Variants in PCNX2 observed in about 807,000 individuals in gnomAD.
The protein encoded by PCNX2 is pecanex 2.
A neutral mutation model predicts 223.8 loss-of-function variants in PCNX2; 168 were observed. That is an observed-to-expected ratio of 0.75 (90% CI 0.66 to 0.85). The LOEUF is 0.85. Among genes scored for constraint, PCNX2 ranks in the 40% least tolerant of loss-of-function variants. The pLI is 0.00. For missense variants in PCNX2, 2,507 were observed against 2,675.5 expected (o/e 0.94, Z 1.39); for synonymous variants, 1,006 against 1,052.6 (o/e 0.96, Z 0.86).
chr1:233,181,728 T>C (rs1320010718), intron 15 of PCNX2, among the ~76,000 whole-genome samples: 1 of 152,188 alleles, frequency 6.6e-6, no homozygotes, highest in Non-Finnish European at 1.5e-5. Flanking sequence ...TCCTGACTCC[T>C]AGATGATGCC....
intron 15 of PCNX2, among the ~76,000 whole-genome samples, chr1:233,197,388 A>G (rs1328855092): frequency 6.6e-6 from 1 of 152,164 alleles, no homozygotes; most frequent in Non-Finnish European, 1.5e-5. Context: ...CAGTGGAAAG[A>G]TGTTCTCAGA....
chr1:233,208,591 A>T lies in PCNX2; in HGVS notation c.2790T>A (p.Pro930=). 6.2e-7 allele frequency: 1 copy of T among 1,613,916 alleles called. No homozygotes were observed. The highest frequency in any genetic ancestry group is 8.5e-7 in the Non-Finnish European group (1 of 1,179,874). ...TCAGGCCATACACAACGTAACTGGG[A>T]GGGTGCCTGGCTTTGGCCCCTGTAT... ...LLDTGAKARH[P]PSYVVYGLKL... Residue 930 remains proline (P), a synonymous_variant, in exon 13 of 34, where the codon CCT becomes CCA. Transcript: ENST00000258229.
rs543484675 is a variant in PCNX2, at chr1:233,107,967, C to T, written c.3838-12104G>A. Reference sequence around the variant, plus strand: ...CCACCAAAACCAAGATGGCGATGAGCGTGACCTCTGTAGTCCTCACTGCTA... The same window carrying T: ...CCACCAAAACCAAGATGGCGATGAGTGTGACCTCTGTAGTCCTCACTGCTA... On this transcript the variant is annotated intron_variant, in intron 21 of 33. Transcript: ENST00000258229. Among the ~76,000 whole-genome samples, 204 of 152,282 alleles carry T rather than the reference C, an allele frequency of 1.3e-3. 1 individual carries two copies. The highest frequency in any genetic ancestry group is 1.6e-3 in the Non-Finnish European group (112 of 68,032).
chr1:233,293,401 A>G (rs1661883896), intron 1 of PCNX2, among the ~76,000 whole-genome samples: 1 of 152,260 alleles, frequency 6.6e-6, no homozygotes, highest in Non-Finnish European at 1.5e-5. Context: ...TGCTATGTAC[A>G]AGGAAAAACC....
intron 12 of PCNX2, among the ~76,000 whole-genome samples, chr1:233,214,946 GC>G (rs1275929372): frequency 1.3e-5 from 2 of 152,108 alleles, no homozygotes; most frequent in African/African-American, 4.8e-5. Context: ...CTCAAAATAT[GC>G]CACCTGTGCT....
intron 25 of PCNX2, among the ~76,000 whole-genome samples, chr1:233,040,889 A>G (rs1354867114): frequency 6.6e-6 from 1 of 152,156 alleles, no homozygotes; most frequent in Non-Finnish European, 1.5e-5. Flanking sequence ...CCCTCTAAAG[A>G]TATCAGTTTG....
At chr1:232,997,634 C>G (rs567956100) in intron 32 of PCNX2, among the ~76,000 whole-genome samples, 4 of 152,312 alleles carry the variant, frequency 2.6e-5, no homozygotes, top group African/African-American at 9.6e-5. Context: ...GTGCAGACCA[C>G]CAGTGGAGTT....
intron 32 of PCNX2, among the ~76,000 whole-genome samples, chr1:232,992,032 G>A (rs192078591): frequency 8.5e-5 from 13 of 152,240 alleles, no homozygotes; most frequent in African/African-American, 2.6e-4. Context: ...GTGTGTTGTC[G>A]GAGCTGCACG....
chr1:233,185,260 T>A (rs900779733), intron 15 of PCNX2, among the ~76,000 whole-genome samples: 1 of 152,096 alleles, frequency 6.6e-6, no homozygotes, highest in Non-Finnish European at 1.5e-5. Flanking sequence ...CAAGAAAGAT[T>A]ACCTTTAGAG....
At chr1:233,238,375 T>C (rs149374450) in intron 8 of PCNX2, among the ~76,000 whole-genome samples, 1 of 152,312 alleles carries the variant, frequency 6.6e-6, no homozygotes, top group East Asian at 1.9e-4. Flanking sequence ...CCAATAGTTA[T>C]TCTGTGAGAA....
chr1:233,153,288 G>A (rs78121336), intron 19 of PCNX2, among the ~76,000 whole-genome samples: 8,923 of 152,282 alleles, frequency 0.059, 513 homozygotes, highest in East Asian at 0.31. Context: ...CCAAAAAAGG[G>A]AGTAAACAAA....
Position 233,016,918 on chromosome 1 carries a change from T to C in PCNX2, c.4839+3A>G, listed in dbSNP as rs769865641. The C allele has an allele frequency of 6.3e-7, 1 of 1,595,220 alleles. No individual in the cohort carries two copies. The highest frequency in any genetic ancestry group is 1.7e-5 in the Admixed American group (1 of 59,786). On this transcript the variant is annotated splice_donor_region_variant and intron_variant, in intron 27 of 33. Coordinates refer to ENST00000258229, the MANE Select transcript of PCNX2 (RefSeq NM_014801.4). ...TGCCTCAGCCCCCACCTCCCTGACCTACCTCTTGTCTTTTCCGTGCACAGT... is the reference window on the plus strand; with the variant it reads ...TGCCTCAGCCCCCACCTCCCTGACCCACCTCTTGTCTTTTCCGTGCACAGT...
At chr1:233,216,353 G>C (rs1249035340) in intron 12 of PCNX2, among the ~76,000 whole-genome samples, 2 of 152,202 alleles carry the variant, frequency 1.3e-5, no homozygotes, top group African/African-American at 4.8e-5. Flanking sequence ...GCATAGGTGA[G>C]CTCAGAGTCT....
Position 232,984,438 on chromosome 1 carries a change from G to A in PCNX2, c.6280C>T (p.Gln2094Ter). ...AGACATCGGTCATGAAGCTGCCCCT[G>A]CTCGGTGGCATCAGGGGGCTCACAT... ...EPCEPPDATE[Q>*]GQLHDRCLAE... Residue 2094 changes from glutamine to a stop codon, truncating the protein, a stop_gained, in exon 34 of 34, where the codon CAG becomes TAG. Coordinates refer to ENST00000258229, the MANE Select transcript of PCNX2 (RefSeq NM_014801.4). LOFTEE classifies it high-confidence loss of function. 6.2e-7 allele frequency: 1 copy of A among 1,613,726 alleles called. No homozygotes were observed. The highest frequency in any genetic ancestry group is 8.5e-7 in the Non-Finnish European group (1 of 1,179,800).
At chr1:233,087,974 C>T (rs556658920) in intron 23 of PCNX2, among the ~76,000 whole-genome samples, 4 of 152,118 alleles carry the variant, frequency 2.6e-5, no homozygotes, top group African/African-American at 4.8e-5. Flanking sequence ...AGAATAAATG[C>T]GGCAGAATCA....
intron 22 of PCNX2, among the ~76,000 whole-genome samples, chr1:233,094,069 G>A (rs558310251): frequency 3.9e-5 from 6 of 152,302 alleles, no homozygotes; most frequent in East Asian, 3.9e-4. Flanking sequence ...TAATTCAGTC[G>A]TGGAACTCCA....
chr1:232,986,133 C>A lies in PCNX2; in HGVS notation c.6199G>T (p.Val2067Leu). The change falls in exon 33 of 34, where the codon GTG becomes TTG. Residue 2067 changes from valine to leucine, a missense_variant. Val to Leu is a conservative substitution (Grantham distance 32). Coordinates refer to ENST00000258229, the MANE Select transcript of PCNX2 (RefSeq NM_014801.4). Reference sequence around the variant, plus strand: ...GCAGCCCTGGCTGAGGGGCCCATCACGATGTTGACGCTGCTGGATGACTGG... The same window carrying A: ...GCAGCCCTGGCTGAGGGGCCCATCAAGATGTTGACGCTGCTGGATGACTGG... Reference protein sequence around the residue: ...DTQSSSSVNIVMGPSARAASQ... With the variant: ...DTQSSSSVNILMGPSARAASQ... 6.4e-7 allele frequency: 1 copy of A among 1,569,612 alleles called. No homozygotes were observed.
intron 1 of PCNX2, among the ~76,000 whole-genome samples, chr1:233,275,318 T>C (rs1281134689): frequency 6.6e-6 from 1 of 152,048 alleles, no homozygotes; most frequent in East Asian, 1.9e-4. Context: ...TTCTCCTGCT[T>C]CAGCCTCCTG....
chr1:233,105,860 T>A (rs1240573461), intron 21 of PCNX2, among the ~76,000 whole-genome samples: 1 of 152,220 alleles, frequency 6.6e-6, no homozygotes, highest in Non-Finnish European at 1.5e-5. Flanking sequence ...GAAGTCGACA[T>A]TGCACATTGA....
Sources: gnomAD v4.1 joint callset for allele counts (sites outside exome capture counted in the v4.1 genomes callset) on GRCh38, gnomAD v4.1.1 for gene constraint, MANE v1.5 for transcripts, NCBI Gene and HGNC (gene_info 2026-07-23, HGNC 2026-07-21) for gene names.